Variants in SHANK2 observed in about 807,000 individuals in gnomAD.
SHANK2 encodes SH3 and multiple ankyrin repeat domains 2.
In SHANK2, 43 loss-of-function variants were observed where a neutral mutation model predicts 133.7. That is an observed-to-expected ratio of 0.32 (90% CI 0.25 to 0.41). SHANK2 has a LOEUF of 0.41. Ranked by LOEUF, SHANK2 falls within the 10% of genes least tolerant of loss-of-function variation. The pLI is 1.00. For synonymous variants in SHANK2, 1,017 were observed against 952.8 expected (o/e 1.07, Z -1.24); for missense variants, 1,994 against 2,235.8 (o/e 0.89, Z 2.18).
At chr11:70,833,972 G>C (rs564733101) in intron 11 of SHANK2, among the ~76,000 whole-genome samples, 2 of 152,348 alleles carry the variant, frequency 1.3e-5, no homozygotes, top group South Asian at 4.1e-4. Context: ...GCTCCAAGTT[G>C]ATGAAGGCAC....
chr11:70,507,198 C>T (rs1187796336), intron 17 of SHANK2, among the ~76,000 whole-genome samples: 3 of 152,174 alleles, frequency 2.0e-5, no homozygotes, highest in African/African-American at 7.2e-5. Context: ...CCTGACGTCA[C>T]CTTCTCAGCT....
At chr11:70,900,362 A>T (rs1199286502) in intron 10 of SHANK2, among the ~76,000 whole-genome samples, 1 of 152,112 alleles carries the variant, frequency 6.6e-6, no homozygotes, top group Non-Finnish European at 1.5e-5. Flanking sequence ...CAAAAAAAAA[A>T]AAAAGTTTGC....
At chr11:70,794,216 GT>G (rs1267582819) in intron 14 of SHANK2, among the ~76,000 whole-genome samples, 1 of 148,276 alleles carries the variant, frequency 6.7e-6, no homozygotes, top group Non-Finnish European at 1.5e-5. Context: ...TGGAGTGGGA[GT>G]TTGCAGTGAG....
chr11:70,579,545 G>A (rs34962816), intron 17 of SHANK2, among the ~76,000 whole-genome samples: 24,175 of 152,106 alleles, frequency 0.16, 2,035 homozygotes, highest in Non-Finnish European at 0.19. Context: ...CCAGGCCTGG[G>A]CGGTGATGGC....
intron 11 of SHANK2, among the ~76,000 whole-genome samples, chr11:70,846,847 G>A (rs1282416753): frequency 6.6e-6 from 1 of 152,140 alleles, no homozygotes; most frequent in Non-Finnish European, 1.5e-5. Flanking sequence ...TGGGTGCTGT[G>A]AGCATGAACG....
intron 10 of SHANK2, among the ~76,000 whole-genome samples, chr11:70,931,607 G>T (rs1300894438): frequency 6.6e-6 from 1 of 152,202 alleles, no homozygotes; most frequent in East Asian, 1.9e-4. Context: ...CGGTCACCAG[G>T]GCCAGCCCTT....
rs371070982 is a variant in SHANK2, at chr11:71,213,050, C to T, written c.-13+11647G>A. On this transcript the variant is annotated intron_variant, in intron 2 of 25. Coordinates refer to ENST00000601538, the MANE Select transcript of SHANK2 (RefSeq NM_012309.5). Reference sequence around the variant, plus strand: ...GAGGCAAAGGAAGAGGAGCAGGAACCGAAAGACACTGTGCCCATTTCTACA... The same window carrying T: ...GAGGCAAAGGAAGAGGAGCAGGAACTGAAAGACACTGTGCCCATTTCTACA... Among the ~76,000 whole-genome samples the T allele has an allele frequency of 3.7e-4, 57 of 152,104 alleles. No individual in the cohort carries two copies. The South Asian group carries it at 0.011, about 30-fold the overall frequency.
At chr11:70,767,943 A>G (rs1319008397) in intron 14 of SHANK2, among the ~76,000 whole-genome samples, 2 of 152,146 alleles carry the variant, frequency 1.3e-5, no homozygotes. Flanking sequence ...GATTACCACC[A>G]GGGGTCCTCT....
At chr11:70,835,071 C>T (rs189574281) in intron 11 of SHANK2, among the ~76,000 whole-genome samples, 15 of 152,322 alleles carry the variant, frequency 9.8e-5, no homozygotes, top group Admixed American at 9.8e-4. Flanking sequence ...AAGGTATATT[C>T]TAGAAGAATC....
chr11:70,657,539 G>A (rs1303210982), intron 17 of SHANK2, among the ~76,000 whole-genome samples: 2 of 152,186 alleles, frequency 1.3e-5, no homozygotes, highest in African/African-American at 4.8e-5. Context: ...ACTGGGAGGA[G>A]CCAGGATCGT....
intron 17 of SHANK2, among the ~76,000 whole-genome samples, chr11:70,641,381 C>T (rs1172732822): frequency 6.6e-6 from 1 of 152,206 alleles, no homozygotes; most frequent in Non-Finnish European, 1.5e-5. Context: ...GCATAAGCCA[C>T]TGCGCCTGGA....
intron 17 of SHANK2, among the ~76,000 whole-genome samples, chr11:70,589,288 A>G (rs1271306016): frequency 6.6e-6 from 1 of 152,222 alleles, no homozygotes; most frequent in African/African-American, 2.4e-5. Flanking sequence ...TGAAAATCCT[A>G]GGGCCTTAGG....
At chr11:71,074,287 C>A (rs902759357) in intron 9 of SHANK2, among the ~76,000 whole-genome samples, 1 of 152,132 alleles carries the variant, frequency 6.6e-6, no homozygotes, top group Non-Finnish European at 1.5e-5. Context: ...CTTAGAGACC[C>A]GGAGAACAGC....
chr11:70,866,754 G>A (rs781914110), intron 11 of SHANK2, among the ~76,000 whole-genome samples: 8 of 151,732 alleles, frequency 5.3e-5, no homozygotes, highest in Non-Finnish European at 7.4e-5. Context: ...CACTTTTGCT[G>A]GAGTTTTCCT....
chr11:70,934,024 G>A lies in SHANK2; in HGVS notation c.1108-37457C>T, dbSNP rs1032979605. On this transcript the variant is annotated intron_variant, in intron 10 of 25. Transcript: ENST00000601538. ...AAGTGGGAGCATAACTTGGCCCCGG[G>A]AGTTTGAGACCAGCCTGGGCAACAT... 2.6e-5 allele frequency among the ~76,000 whole-genome samples: 4 copies of A among 152,082 alleles called. No homozygotes were observed. The East Asian group carries it at 5.8e-4, about 22-fold the overall frequency.
intron 17 of SHANK2, among the ~76,000 whole-genome samples, chr11:70,559,861 G>A (rs2059884336): frequency 1.1e-5 from 1 of 94,078 alleles, no homozygotes; most frequent in Middle Eastern, 5.7e-3. Flanking sequence ...ATTCTGGGGG[G>A]TTGCTTTATT....
chr11:70,627,819 T>C, intron 17 of SHANK2, among the ~76,000 whole-genome samples: 1 of 152,256 alleles, frequency 6.6e-6, no homozygotes, highest in Non-Finnish European at 1.5e-5. Flanking sequence ...TGGAATTTTA[T>C]ACCTGTGGCA....
chr11:70,625,428 T>G (rs1476165735), intron 17 of SHANK2, among the ~76,000 whole-genome samples: 1 of 151,914 alleles, frequency 6.6e-6, no homozygotes, highest in Admixed American at 6.6e-5. Context: ...GACCCAGAGC[T>G]CCCACCATAA....
At chr11:70,529,393 G>C (rs1236100829) in intron 17 of SHANK2, among the ~76,000 whole-genome samples, 5 of 152,236 alleles carry the variant, frequency 3.3e-5, no homozygotes, top group African/African-American at 1.2e-4. Context: ...GAACCGGGCA[G>C]TTGGGGTTCA....
Sources: allele counts gnomAD v4.1 joint callset (sites outside exome capture counted in the v4.1 genomes callset), GRCh38; gene constraint gnomAD v4.1.1; transcripts MANE v1.5; gene names NCBI Gene and HGNC (gene_info 2026-07-23, HGNC 2026-07-21).